Variants in PEX3 observed in about 807,000 individuals in gnomAD.
The protein encoded by PEX3 is peroxin-3.
A neutral mutation model predicts 55.8 loss-of-function variants in PEX3; 30 were observed. The observed-to-expected ratio is 0.54, with a 90% CI of 0.40 to 0.73. The LOEUF (loss-of-function observed/expected upper bound fraction) is 0.73. Ranked by LOEUF, PEX3 falls within the 30% of genes least tolerant of loss-of-function variation. The pLI is 0.00. For missense variants in PEX3, 351 were observed against 432.8 expected (o/e 0.81, Z 1.68); for synonymous variants, 135 against 148.4 (o/e 0.91, Z 0.66).
At chr6:143,456,773 G>A (rs1233382859) in intron 1 of PEX3, among the ~76,000 whole-genome samples, 1 of 152,154 alleles carries the variant, frequency 6.6e-6, no homozygotes, top group African/African-American at 2.4e-5. Flanking sequence ...ACATTCTGAG[G>A]TGTTGGGGCT....
intron 2 of PEX3, among the ~76,000 whole-genome samples, chr6:143,461,988 T>G (rs998840788): frequency 1.3e-5 from 2 of 152,198 alleles, no homozygotes; most frequent in Non-Finnish European, 2.9e-5. Context: ...TTTTTTCATT[T>G]TGTTATCGTT....
In PEX3 at chr6:143,466,593, G is replaced by A. The variant is rs574175076; in HGVS notation, c.288-1529G>A. ...ATAGGATAAAACATAGTATATGTAG[G>A]GGTTGGTACTATCTTCAGTTTCAGG... On this transcript the variant is annotated intron_variant, in intron 3 of 11. Transcript: ENST00000367591. The surrounding 1 kb of genome is among the most constrained non-coding windows in gnomAD (Gnocchi z 5.4). 6.6e-6 allele frequency among the ~76,000 whole-genome samples: 1 copy of A among 152,046 alleles called. No homozygotes were observed. Among genetic ancestry groups the A allele is most frequent in the South Asian group, 2.1e-4 (1 of 4,816 alleles).
intron 8 of PEX3, among the ~76,000 whole-genome samples, chr6:143,473,357 A>G (rs1780101085): frequency 6.6e-6 from 1 of 152,250 alleles, no homozygotes; most frequent in Non-Finnish European, 1.5e-5. Flanking sequence ...GACAACTTAC[A>G]AAATAGAATC....
In PEX3 at chr6:143,466,384, A is replaced by T. The variant is rs1258104091; in HGVS notation, c.288-1738A>T. 1.3e-5 allele frequency among the ~76,000 whole-genome samples: 2 copies of T among 151,786 alleles called. No individual in the cohort carries two copies. The highest frequency in any genetic ancestry group is 2.4e-5 in the African/African-American group (1 of 41,408). ...ACTTAGTAGCCATCTTGGCCATCAG[A>T]TTGGATGTTGAGGTATTGCAGTGCT... On this transcript the variant is annotated intron_variant, in intron 3 of 11. Coordinates refer to ENST00000367591, the MANE Select transcript of PEX3 (RefSeq NM_003630.3). The surrounding 1 kb of genome is among the most constrained non-coding windows in gnomAD (Gnocchi z 5.4).
In PEX3 at chr6:143,490,059, A is replaced by G. The variant is rs1341889067; in HGVS notation, c.*833A>G. ...TCAGCTATTAATTTACTTATCCCAT[A>G]GCATTTTTGTTATTATTTCGGAAGA... On this transcript the variant is annotated 3_prime_UTR_variant, in exon 12 of 12. Coordinates refer to ENST00000367591, the MANE Select transcript of PEX3 (RefSeq NM_003630.3). This position sits in a 1 kb window ranked among gnomAD's most constrained non-coding sequence, Gnocchi z 6.0. 8 of 152,188 alleles carry G rather than the reference A, an allele frequency of 5.3e-5. No individual in the cohort carries two copies. Among genetic ancestry groups the G allele is most frequent in the Non-Finnish European group, 1.2e-4 (8 of 68,010 alleles). The allele number at this position is 152,188 out of a possible 1,614,324, so 9.4% of individuals were successfully genotyped here. A position where few individuals can be genotyped will look rare whatever the true frequency, so the allele number is the denominator to read the frequency against.
rs1284518477 is a variant in PEX3 at position 143,459,892 on chromosome 6, A to C, written c.205+676A>C. Among the ~76,000 whole-genome samples the C allele has an allele frequency of 6.6e-6, 1 of 152,226 alleles. No homozygotes were observed. Among genetic ancestry groups the C allele is most frequent in the Non-Finnish European group, 1.5e-5 (1 of 68,030 alleles). ...CGTCCACAATAGTATACACTCAGGC[A>C]ATGTTAATTAATGGCAATAATTTAA... is the stretch of plus-strand genomic sequence containing the variant. On this transcript the variant is annotated intron_variant, in intron 2 of 11. Transcript: ENST00000367591. The surrounding 1 kb of genome is among the most constrained non-coding windows in gnomAD (Gnocchi z 4.2).
Position 143,454,044 on chromosome 6 carries a change from T to C in PEX3, c.73+2929T>C, listed in dbSNP as rs1338821351. On this transcript the variant is annotated intron_variant, in intron 1 of 11. Coordinates refer to ENST00000367591, the MANE Select transcript of PEX3 (RefSeq NM_003630.3). The surrounding 1 kb of genome is among the most constrained non-coding windows in gnomAD (Gnocchi z 4.3). ...AAAATGAAATTTTTTAAAATATTAATTCATTTTAAAATAATAAACCTATTA... is the reference window on the plus strand; with the variant it reads ...AAAATGAAATTTTTTAAAATATTAACTCATTTTAAAATAATAAACCTATTA... Among the ~76,000 whole-genome samples the C allele has an allele frequency of 1.3e-5, 2 of 152,058 alleles. No individual in the cohort carries two copies. The highest frequency in any genetic ancestry group is 2.9e-5 in the Non-Finnish European group (2 of 68,006).
chr6:143,460,408 G>A (rs1397156567), intron 2 of PEX3, among the ~76,000 whole-genome samples: 3 of 152,246 alleles, frequency 2.0e-5, no homozygotes, highest in Middle Eastern at 3.4e-3. Context: ...TTGTGAGGCC[G>A]TGATGAGATA....
rs1584021169 is a variant in PEX3, at chr6:143,490,307, G to C, written c.*1081G>C. The C allele has an allele frequency of 6.5e-6, 1 of 152,934 alleles. No individual in the cohort carries two copies. The highest frequency in any genetic ancestry group is 2.4e-5 in the African/African-American group (1 of 41,460). 9.5% of individuals were successfully genotyped at this position (152,934 alleles called of 1,614,324 possible). A position where few individuals can be genotyped will look rare whatever the true frequency, so the allele number is the denominator to read the frequency against. On this transcript the variant is annotated 3_prime_UTR_variant, in exon 12 of 12. Transcript: ENST00000367591. The surrounding 1 kb of genome is among the most constrained non-coding windows in gnomAD (Gnocchi z 6.0). ...ATTAGTATGTTGACATATATTTTCA[G>C]TAACATTGTTTTATGTTCCTCCAGC... is the stretch of plus-strand genomic sequence containing the variant.
Position 143,484,805 on chromosome 6 carries a change from C to A in PEX3, c.942-347C>A, listed in dbSNP as rs148762444. On this transcript the variant is annotated intron_variant, in intron 10 of 11. Coordinates refer to ENST00000367591, the MANE Select transcript of PEX3 (RefSeq NM_003630.3). ...GATATAAATTGTCACAGCTAGAGGA[C>A]AGATTACTGTATAGTCATTAAAAAA... 1.8e-3 allele frequency among the ~76,000 whole-genome samples: 276 copies of A among 152,050 alleles called. 1 individual carries two copies. The highest frequency in any genetic ancestry group is 5.6e-3 in the African/African-American group (232 of 41,500).
intron 9 of PEX3, 75 bp from the exon 10 acceptor site, chr6:143,478,988 GCTTTCAAAGGTAA>G: frequency 1.3e-6 from 1 of 754,094 alleles, no homozygotes; most frequent in Admixed American, 2.0e-5. Context: ...AATGTTGGTG[GCTTTCAAAGGTAA>G]CCACGTTATT....
rs1562652355 is a variant in PEX3, at chr6:143,462,939, A to C, written c.229A>C (p.Arg77=). Residue 77 remains arginine (R), a synonymous_variant, in exon 3 of 12, where the codon AGA becomes CGA. Transcript: ENST00000367591. This position sits in a 1 kb window ranked among gnomAD's most constrained non-coding sequence, Gnocchi z 4.1. ...AGTGCTGTCCATGCTTCCAACACTGAGAGAGGCCTTAATGCAGCAACTGAA... is the reference window on the plus strand; with the variant it reads ...AGTGCTGTCCATGCTTCCAACACTGCGAGAGGCCTTAATGCAGCAACTGAA... ...MTVLSMLPTL[R]EALMQQLNSE... is the part of the protein sequence containing the mutation. 6.2e-7 allele frequency: 1 copy of C among 1,613,620 alleles called. No individual in the cohort carries two copies. The highest frequency in any genetic ancestry group is 1.7e-5 in the Admixed American group (1 of 59,988).
rs73780417 is a variant in PEX3, at chr6:143,480,668, A to G, written c.941+1470A>G. Among the ~76,000 whole-genome samples the G allele has an allele frequency of 6.0e-3, 908 of 152,296 alleles. 9 individuals are homozygous for G. The highest frequency in any genetic ancestry group is 0.02 in the African/African-American group (825 of 41,566). On this transcript the variant is annotated intron_variant, in intron 10 of 11. Coordinates refer to ENST00000367591, the MANE Select transcript of PEX3 (RefSeq NM_003630.3). ...ATGATTGAACCCTAGAAACATTTCCATCAAGCCTATTGTCATCATTGTTTA... is the reference window on the plus strand; with the variant it reads ...ATGATTGAACCCTAGAAACATTTCCGTCAAGCCTATTGTCATCATTGTTTA...
rs912988000 is a variant in PEX3, at chr6:143,479,597, C to T, written c.941+399C>T. Reference sequence around the variant, plus strand: ...TCAATATTTTGTTCCTTATAATACCCGGGCATTGTTGGTATAGATTCTCAT... The same window carrying T: ...TCAATATTTTGTTCCTTATAATACCTGGGCATTGTTGGTATAGATTCTCAT... On this transcript the variant is annotated intron_variant, in intron 10 of 11. Coordinates refer to ENST00000367591, the MANE Select transcript of PEX3 (RefSeq NM_003630.3). This position sits in a 1 kb window ranked among gnomAD's most constrained non-coding sequence, Gnocchi z 4.6. Among the ~76,000 whole-genome samples the T allele has an allele frequency of 7.9e-5, 12 of 151,896 alleles. No homozygotes were observed. Among genetic ancestry groups the T allele is most frequent in the African/African-American group, 2.2e-4 (9 of 41,402 alleles).
rs145732071 is a variant in PEX3 at position 143,468,642 on chromosome 6, T to TTTG, written c.331+498_331+500dup. ...ATGCTTAAGCCTTGCCTATTTGTTTTTTGTTGTTGTTGTTGTTGTTGTTTT... is the reference window on the plus strand; with the variant it reads ...ATGCTTAAGCCTTGCCTATTTGTTTTTTGTTGTTGTTGTTGTTGTTGTTGTTTT... On this transcript the variant is annotated intron_variant, in intron 4 of 11. Transcript: ENST00000367591. Among the ~76,000 whole-genome samples, 421 of 152,134 alleles carry TTTG rather than the reference T, an allele frequency of 2.8e-3. 7 individuals carry two copies. The East Asian group carries it at 0.063, about 23-fold the overall frequency.
Position 143,471,489 on chromosome 6 carries a change from C to A in PEX3, c.523+40C>A, listed in dbSNP as rs1562654676. 6.4e-7 allele frequency: 1 copy of A among 1,559,110 alleles called. No homozygotes were observed. On this transcript the variant is annotated intron_variant, in intron 6 of 11. Transcript: ENST00000367591. The surrounding 1 kb of genome is among the most constrained non-coding windows in gnomAD (Gnocchi z 5.4). ...TGTGACTTTTATACTAATTTTAATT[C>A]ATTTATTTTTATTATTGAGGAATTT...
At position 143,459,333 on chromosome 6, in the gene PEX3, T is replaced by C; in HGVS notation, c.205+117T>C. On this transcript the variant is annotated intron_variant, in intron 2 of 11. Coordinates refer to ENST00000367591, the MANE Select transcript of PEX3 (RefSeq NM_003630.3). This position sits in a 1 kb window ranked among gnomAD's most constrained non-coding sequence, Gnocchi z 4.2. ...AAGAAAAGATGGTAAATCTAGCAAG[T>C]GTTTGAATGATTTAACTGAATTACA... 1 of 852,708 alleles carries C rather than the reference T, an allele frequency of 1.2e-6. No individual in the cohort carries two copies. The highest frequency in any genetic ancestry group is 1.4e-5 in the South Asian group (1 of 70,538). The allele number at this position is 852,708 out of a possible 1,614,324, so 52.8% of individuals were successfully genotyped here.
rs1018826716 is a variant in PEX3, at chr6:143,486,584, T to A, written c.1038+1336T>A. 2.0e-4 allele frequency among the ~76,000 whole-genome samples: 31 copies of A among 152,206 alleles called. No homozygotes were observed. Among genetic ancestry groups the A allele is most frequent in the Non-Finnish European group, 4.1e-4 (28 of 68,006 alleles). On this transcript the variant is annotated intron_variant, in intron 11 of 11. Coordinates refer to ENST00000367591, the MANE Select transcript of PEX3 (RefSeq NM_003630.3). The surrounding 1 kb of genome is among the most constrained non-coding windows in gnomAD (Gnocchi z 5.0). ...TTGATTGACAAGGCTATTACAATTATAGTTTAATTTTTTAAACTATAATTT... is the reference window on the plus strand; with the variant it reads ...TTGATTGACAAGGCTATTACAATTAAAGTTTAATTTTTTAAACTATAATTT...
chr6:143,489,443 C>T lies in PEX3; in HGVS notation c.*217C>T. ...CAGTTTTTGTGGGCATATATATATACACGTGCAAATATCAGAATTGTTAAT... is the reference window on the plus strand; with the variant it reads ...CAGTTTTTGTGGGCATATATATATATACGTGCAAATATCAGAATTGTTAAT... On this transcript the variant is annotated 3_prime_UTR_variant, in exon 12 of 12. Coordinates refer to ENST00000367591, the MANE Select transcript of PEX3 (RefSeq NM_003630.3). This position sits in a 1 kb window ranked among gnomAD's most constrained non-coding sequence, Gnocchi z 5.5. 2.6e-6 allele frequency: 1 copy of T among 391,408 alleles called. No homozygotes were observed. Among genetic ancestry groups the T allele is most frequent in the Non-Finnish European group, 4.7e-6 (1 of 214,274 alleles). 24.2% of individuals were successfully genotyped at this position (391,408 alleles called of 1,614,324 possible). A position where few individuals can be genotyped will look rare whatever the true frequency, so the allele number is the denominator to read the frequency against.
Sources: gnomAD v4.1 joint callset for allele counts (sites outside exome capture counted in the v4.1 genomes callset) on GRCh38, gnomAD v4.1.1 for gene constraint, Gnocchi (gnomAD v3.1) non-coding constraint, MANE v1.5 for transcripts, NCBI Gene and HGNC (gene_info 2026-07-23, HGNC 2026-07-21) for gene names.